The following KLHL25 variants were observed in gnomAD, a reference collection of about 807,000 sequenced individuals.
KLHL25 encodes kelch-like protein 25.
A neutral mutation model predicts 30.0 loss-of-function variants in KLHL25; 41 were observed. The observed-to-expected ratio is 1.37, with a 90% CI of 1.07 to 1.78. The LOEUF is 1.78. Ranked by LOEUF, KLHL25 falls within the 40% of genes most tolerant of loss-of-function variation. The probability of loss-of-function intolerance (pLI) is 0.00; values close to 1 mark genes in which losing one functional copy is unlikely to be tolerated. For missense variants in KLHL25, 971 were observed against 824.5 expected (o/e 1.18, Z -2.18); for synonymous variants, 399 against 355.3 (o/e 1.12, Z -1.38).
At chr15:85,767,510 T>G (rs1008035784) in intron 2 of KLHL25, among the ~76,000 whole-genome samples, 2 of 152,242 alleles carry the variant, frequency 1.3e-5, no homozygotes, top group Non-Finnish European at 2.9e-5. Context: ...AGTACATGTC[T>G]CTTCCCTTGG....
At chr15:85,773,252 C>A (rs1485871323) in intron 1 of KLHL25, among the ~76,000 whole-genome samples, 3 of 152,320 alleles carry the variant, frequency 2.0e-5, no homozygotes, top group African/African-American at 7.2e-5. Flanking sequence ...ACCTGTCCAT[C>A]TCTTCCTATG....
intron 1 of KLHL25, among the ~76,000 whole-genome samples, chr15:85,786,022 ACT>A (rs1220709276): frequency 8.2e-6 from 1 of 121,764 alleles, no homozygotes; most frequent in African/African-American, 3.2e-5. Context: ...TGCTTCCCTT[ACT>A]CTCTTAATGA....
intron 1 of KLHL25, among the ~76,000 whole-genome samples, chr15:85,770,075 C>T (rs2089660979): frequency 6.6e-6 from 1 of 152,256 alleles, no homozygotes; most frequent in African/African-American, 2.4e-5. Context: ...CTCTGGCCTG[C>T]AGATGAGCCA....
At chr15:85,770,560 G>A (rs769744052) in intron 1 of KLHL25, 9 of 533,750 alleles carry the variant, frequency 1.7e-5, no homozygotes, top group Admixed American at 1.4e-4. Context: ...TCTCCACAGG[G>A]CTCTTTACCT....
At chr15:85,785,770 T>C (rs2089777154) in intron 1 of KLHL25, among the ~76,000 whole-genome samples, 1 of 152,134 alleles carries the variant, frequency 6.6e-6, no homozygotes, top group African/African-American at 2.4e-5. Flanking sequence ...GCATTTTGCT[T>C]GTAATTGTAC....
chr15:85,774,413 T>C (rs2089696761), intron 1 of KLHL25, among the ~76,000 whole-genome samples: 1 of 152,164 alleles, frequency 6.6e-6, no homozygotes, highest in Admixed American at 6.5e-5. Context: ...CGGGTAACAA[T>C]GTGCCCAGCA....
intron 1 of KLHL25, chr15:85,770,430 G>A: frequency 3.9e-6 from 2 of 510,542 alleles, no homozygotes; most frequent in Admixed American, 4.2e-5. Context: ...CCTGCTCCCA[G>A]CAGGCTCTGC....
At chr15:85,794,693 T>TC (rs1355948467) in intron 1 of KLHL25, 73 bp downstream of exon 1, 1 of 151,270 alleles carries the variant, frequency 6.6e-6, no homozygotes, top group Non-Finnish European at 1.5e-5. Flanking sequence ...GGGTGGTGAG[T>TC]CCCCAGCGCA....
chr15:85,794,562 G>A (rs2089839956), intron 1 of KLHL25, among the ~76,000 whole-genome samples: 1 of 152,216 alleles, frequency 6.6e-6, no homozygotes, highest in Admixed American at 6.5e-5. Context: ...GCGGAGCCGC[G>A]GGGTGCCGGC....
chr15:85,790,527 C>T (rs1004752482), intron 1 of KLHL25, among the ~76,000 whole-genome samples: 2 of 152,164 alleles, frequency 1.3e-5, no homozygotes, highest in African/African-American at 4.8e-5. Flanking sequence ...AATTTTATAG[C>T]AAAACATTTA....
At position 85,765,342 on chromosome 15, in the gene KLHL25, A is replaced by G. The variant is rs189487705; in HGVS notation, c.*24+2675T>C. On this transcript the variant is annotated intron_variant, in intron 2 of 2. Coordinates refer to ENST00000337975, the MANE Select transcript of KLHL25 (RefSeq NM_022480.4). ...TAAAGACAGCAGATTAAAAAAAAAG[A>G]AGACCGGGCACGAAGGCTCACACCT... 1.3e-4 allele frequency among the ~76,000 whole-genome samples: 19 copies of G among 147,266 alleles called. 1 individual carries two copies. The East Asian group carries it at 3.8e-3, about 30-fold the overall frequency.
intron 1 of KLHL25, chr15:85,770,603 C>T (rs752185289): frequency 5.7e-6 from 3 of 527,422 alleles, no homozygotes; most frequent in South Asian, 2.8e-5. Context: ...GAGGTGGGGC[C>T]GCCAGTGACT....
intron 1 of KLHL25, among the ~76,000 whole-genome samples, chr15:85,773,512 G>A (rs1050162717): frequency 6.6e-6 from 1 of 152,358 alleles, no homozygotes; most frequent in South Asian, 2.1e-4. Context: ...AGGCAGCTCA[G>A]CGGGTGGCAT....
chr15:85,769,800 C>A lies in KLHL25; in HGVS notation c.11G>T (p.Ser4Ile). 2 of 1,607,636 alleles carry A rather than the reference C, an allele frequency of 1.2e-6. No homozygotes were observed. The highest frequency in any genetic ancestry group is 2.2e-5 in the South Asian group (2 of 91,032). The change falls in exon 2 of 3, where the codon AGT becomes ATT. Residue 4 changes from serine (S) to isoleucine (I), a missense_variant. By Grantham distance (142) the Ser-to-Ile change is moderately radical. Coordinates refer to ENST00000337975, the MANE Select transcript of KLHL25 (RefSeq NM_022480.4). ...CCGCGACTTGCGGGTCTCATGGACA[C>A]TGACCGACATGGTGCGTCAGCTTGT... MSV[S>I]VHETRKSRSS...
intron 2 of KLHL25, among the ~76,000 whole-genome samples, chr15:85,767,086 G>A (rs746816077): frequency 6.6e-6 from 1 of 151,800 alleles, no homozygotes; most frequent in Non-Finnish European, 1.5e-5. Flanking sequence ...TGTCTCCCAG[G>A]TTCAAGTGAT....
chr15:85,770,329 G>A (rs566038540), intron 1 of KLHL25, among the ~76,000 whole-genome samples: 1 of 152,226 alleles, frequency 6.6e-6, no homozygotes. Flanking sequence ...CACATGGGCT[G>A]TCCGGCTCTG....
At chr15:85,774,603 C>A (rs1262205974) in intron 1 of KLHL25, among the ~76,000 whole-genome samples, 1 of 152,164 alleles carries the variant, frequency 6.6e-6, no homozygotes, top group African/African-American at 2.4e-5. Flanking sequence ...CCGTGCCAGT[C>A]TCAGGAAGGC....
In KLHL25 at chr15:85,768,527, G is replaced by A. The variant is rs1396125079; in HGVS notation, c.1284C>T (p.Ala428=). The change falls in exon 2 of 3, where the codon GCC becomes GCT. Residue 428 remains alanine (A), a synonymous_variant. Coordinates refer to ENST00000337975, the MANE Select transcript of KLHL25 (RefSeq NM_022480.4). Reference sequence around the variant, plus strand: ...CATTGCTGACGCCATCCCGCAAGGGGGCCACCATCATCCACTTGTTGGCCC... The same window carrying A: ...CATTGCTGACGCCATCCCGCAAGGGAGCCACCATCATCCACTTGTTGGCCC... The part of the protein sequence containing the change: ...DPGANKWMMV[A]PLRDGVSNAA... 4 of 1,613,608 alleles carry A rather than the reference G, an allele frequency of 2.5e-6. No homozygotes were observed. Among genetic ancestry groups the A allele is most frequent in the Middle Eastern group, 1.7e-4 (1 of 6,060 alleles).
intron 1 of KLHL25, chr15:85,771,039 C>A: frequency 5.1e-6 from 1 of 195,410 alleles, no homozygotes; most frequent in South Asian, 9.0e-5. Context: ...GCTACCTGCC[C>A]CACTGACCTG....
Sources: gnomAD v4.1 joint callset for allele counts (sites outside exome capture counted in the v4.1 genomes callset) on GRCh38, gnomAD v4.1.1 for gene constraint, MANE v1.5 for transcripts, NCBI Gene and HGNC (gene_info 2026-07-23, HGNC 2026-07-21) for gene names.